Variants in CASP1 observed in about 807,000 individuals in gnomAD.
The protein encoded by CASP1 is caspase-1.
In CASP1, 31 loss-of-function variants were observed where a neutral mutation model predicts 41.2. That is an observed-to-expected ratio of 0.75 (90% CI 0.57 to 1.02). The LOEUF (loss-of-function observed/expected upper bound fraction) is 1.02, where lower values mean the gene tolerates loss of function less well. Ranked by LOEUF, CASP1 falls within the 50% of genes least tolerant of loss-of-function variation. CASP1 has a pLI of 0.00. For missense variants in CASP1, 490 were observed against 495.7 expected, an observed-to-expected ratio of 0.99 and a Z score of 0.11; for synonymous variants, 163 against 166.5, an observed-to-expected ratio of 0.98 and a Z score of 0.16.
At chr11:105,028,711 T>A (rs1481369243) in intron 7 of CASP1, among the ~76,000 whole-genome samples, 1 of 152,116 alleles carries the variant, frequency 6.6e-6, no homozygotes, top group East Asian at 1.9e-4. Flanking sequence ...AAACCCACTT[T>A]AATTTAGGGC....
upstream of CASP1, among the ~76,000 whole-genome samples, chr11:105,035,633 T>C (rs965375825): frequency 6.8e-6 from 1 of 147,798 alleles, no homozygotes; most frequent in African/African-American, 2.5e-5. Context: ...TTTTTTTTTC[T>C]GATACAGGGT....
chr11:105,027,793 T>A (rs1469054563), intron 7 of CASP1, among the ~76,000 whole-genome samples: 1 of 152,098 alleles, frequency 6.6e-6, no homozygotes, highest in Non-Finnish European at 1.5e-5. Flanking sequence ...TCTTTGCAAA[T>A]GTTTTGTGAA....
chr11:105,027,138 C>T (rs960703843), intron 7 of CASP1, 187 bp from the exon 8 acceptor site: 12 of 646,624 alleles, frequency 1.9e-5, no homozygotes, highest in Non-Finnish European at 3.0e-5. Context: ...ATGTGCATTC[C>T]CAAAGTGGTA....
rs780648592 is a variant in CASP1, at chr11:105,030,359, C to T, written c.598G>A (p.Val200Ile). Residue 200 changes from valine (V) to isoleucine (I), a missense_variant, in exon 5 of 9, where the codon GTA (valine) becomes ATA (isoleucine). By Grantham distance (29) the Val-to-Ile change is conservative. Transcript: ENST00000533400. ...GCAGTGAGATTTTTTTTCACATCTACGCTGTACCCCAGATTTTGTAGCAGC... is the reference window on the plus strand; with the variant it reads ...GCAGTGAGATTTTTTTTCACATCTATGCTGTACCCCAGATTTTGTAGCAGC... Reference protein sequence around the residue: ...TMLLQNLGYSVDVKKNLTASD... With the variant: ...TMLLQNLGYSIDVKKNLTASD... 1.2e-5 allele frequency: 19 copies of T among 1,613,260 alleles called. No individual in the cohort carries two copies. Among genetic ancestry groups the T allele is most frequent in the East Asian group, 4.5e-5 (2 of 44,870 alleles).
rs1467045934 is a variant in CASP1, at chr11:105,029,737, T to C, written c.790A>G (p.Met264Val). The C allele has an allele frequency of 6.2e-7, 1 of 1,613,682 alleles. No individual in the cohort carries two copies. Among genetic ancestry groups the C allele is most frequent in the Admixed American group, 1.7e-5 (1 of 59,944 alleles). ...CTTGGGCAGTTCTTGGTATTCAACATGTTAAAGATTGCATTGAGTTGTAGT... is the reference window on the plus strand; with the variant it reads ...CTTGGGCAGTTCTTGGTATTCAACACGTTAAAGATTGCATTGAGTTGTAGT... ...DILQLNAIFN[M>V]LNTKNCPSLK... The change falls in exon 6 of 9, where the codon ATG becomes GTG. Residue 264 changes from methionine to valine, a missense_variant. By Grantham distance (21) the Met-to-Val change is conservative (BLOSUM62 1). Coordinates refer to ENST00000533400, the MANE Select transcript of CASP1 (RefSeq NM_001257118.3).
intron 3 of CASP1, among the ~76,000 whole-genome samples, chr11:105,032,533 G>T (rs1207383358): frequency 1.3e-5 from 2 of 152,206 alleles, no homozygotes; most frequent in South Asian, 2.1e-4. Flanking sequence ...GGGAATAGGG[G>T]TTCTTTAATA....
At chr11:105,029,483 TTAAATATGGAA>T (rs56244680) in intron 6 of CASP1, among the ~76,000 whole-genome samples, 171 bp downstream of exon 6, 14,448 of 152,152 alleles carry the variant, frequency 0.095, 963 homozygotes, top group Admixed American at 0.21. Flanking sequence ...AATCTCAAGC[TTAAATATGGAA>T]TAAATATCTA....
chr11:105,033,039 G>A (rs368423770), intron 3 of CASP1, 25 bp downstream of exon 3: 14 of 1,429,410 alleles, frequency 9.8e-6, no homozygotes, highest in Non-Finnish European at 1.4e-5. Flanking sequence ...GTCAAAGAAT[G>A]CTCTTCCTTT....
At chr11:105,033,712 G>A (rs1001436844) in intron 2 of CASP1, among the ~76,000 whole-genome samples, 22 of 152,168 alleles carry the variant, frequency 1.4e-4, no homozygotes, top group Admixed American at 4.6e-4. Context: ...TTTTCTATAC[G>A]TTCAATGTGT....
chr11:105,035,209 T>C (rs1186255877), upstream of CASP1: 2 of 1,462,266 alleles, frequency 1.4e-6, no homozygotes, highest in African/African-American at 1.4e-5. Context: ...AAATACTCAC[T>C]GTGCATGCAT....
rs1165446983 is a variant in CASP1 at position 105,025,995 on chromosome 11, A to T, written c.*263T>A. ...TTTTTGTATATTGGAATTCAGCTGT[A>T]TACTTACTGGTTTAGCATCCCTAAT... is the stretch of plus-strand genomic sequence containing the variant. On this transcript the variant is annotated 3_prime_UTR_variant, in exon 9 of 9. Coordinates refer to ENST00000533400, the MANE Select transcript of CASP1 (RefSeq NM_001257118.3). 5.6e-5 allele frequency: 21 copies of T among 373,440 alleles called. No individual in the cohort carries two copies. Among genetic ancestry groups the T allele is most frequent in the Non-Finnish European group, 9.2e-5 (19 of 205,604 alleles). The allele number at this position is 373,440 out of a possible 1,614,324, so 23.1% of individuals were successfully genotyped here.
In CASP1 at chr11:105,030,090, T is replaced by C. The variant is rs547433672; in HGVS notation, c.628-191A>G. Among the ~76,000 whole-genome samples, 5 of 152,288 alleles carry C rather than the reference T, an allele frequency of 3.3e-5. No individual in the cohort carries two copies. The East Asian group carries it at 5.8e-4, about 18-fold the overall frequency. On this transcript the variant is annotated intron_variant, in intron 5 of 8. Coordinates refer to ENST00000533400, the MANE Select transcript of CASP1 (RefSeq NM_001257118.3). ...TTATAGGAAGTCATCCAGAGTTATC[T>C]TGTAGAGAGACAGTGGCATTACTGA...
chr11:105,035,337 G>A, upstream of CASP1: 2 of 575,328 alleles, frequency 3.5e-6, no homozygotes, highest in Non-Finnish European at 6.2e-6. Context: ...GGAGGGGAAT[G>A]GGGCTTGGAG....
intron 2 of CASP1, chr11:105,033,995 A>G: frequency 1.2e-6 from 1 of 857,590 alleles, no homozygotes; most frequent in Non-Finnish European, 2.0e-6. Flanking sequence ...CAGAACAGGA[A>G]ATGAGCTTTA....
At chr11:105,030,818 A>G (rs1366346715) in intron 4 of CASP1, 1 of 362,604 alleles carries the variant, frequency 2.8e-6, no homozygotes, top group African/African-American at 2.1e-5. Context: ...TCTTTGGGAA[A>G]AATATTTAAC....
intron 4 of CASP1, 67 bp downstream of exon 4, chr11:105,031,098 C>T: frequency 1.1e-6 from 1 of 882,308 alleles, no homozygotes; most frequent in Non-Finnish European, 1.9e-6. Flanking sequence ...GAATAAGCCA[C>T]TGCATTTCAG....
At chr11:105,033,924 A>AC in intron 2 of CASP1, 3 of 726,556 alleles carry the variant, frequency 4.1e-6, no homozygotes, top group Non-Finnish European at 7.5e-6. Flanking sequence ...ACACTGGAAA[A>AC]CACAGCATGA....
chr11:105,034,533 A>C (rs895867590), intron 1 of CASP1, 59 bp from the exon 2 acceptor site: 50 of 1,603,082 alleles, frequency 3.1e-5, no homozygotes, highest in East Asian at 1.8e-4. Flanking sequence ...CCTCTCATGT[A>C]ATCAACAGAA....
chr11:105,028,647 A>C (rs1041051559), intron 7 of CASP1, among the ~76,000 whole-genome samples: 3 of 152,150 alleles, frequency 2.0e-5, no homozygotes, highest in African/African-American at 4.8e-5. Flanking sequence ...TCCAAAGCAT[A>C]CGTTTAGAAA....
Sources: gnomAD v4.1 joint callset for allele counts (sites outside exome capture counted in the v4.1 genomes callset) on GRCh38, gnomAD v4.1.1 for gene constraint, MANE v1.5 for transcripts, NCBI Gene and HGNC (gene_info 2026-07-23, HGNC 2026-07-21) for gene names.